SCOC: variants seen among roughly 807,000 people sequenced by gnomAD.
SCOC encodes the protein short coiled coil protein.
A neutral mutation model predicts 9.9 loss-of-function variants in SCOC; 7 were observed. That is an observed-to-expected ratio of 0.71 (90% confidence interval 0.40 to 1.33). The LOEUF (loss-of-function observed/expected upper bound fraction) is 1.33. Ranked by LOEUF, SCOC falls within the 40% of genes most tolerant of loss-of-function variation. The pLI is 0.01. For missense variants in SCOC, 66 were observed against 89.7 expected, an observed-to-expected ratio of 0.74 and a Z score of 1.07; for synonymous variants, 19 against 28.2, an observed-to-expected ratio of 0.67 and a Z score of 1.03.
chr4:140,355,110 T>A (rs1243539313), intron 2 of SCOC, among the ~76,000 whole-genome samples: 1 of 151,388 alleles, frequency 6.6e-6, no homozygotes, highest in Non-Finnish European at 1.5e-5. Flanking sequence ...CCACCCTTAA[T>A]CTGGTGGTCA....
At chr4:140,278,205 G>C (rs1312970615) in intron 1 of SCOC, among the ~76,000 whole-genome samples, 1 of 152,096 alleles carries the variant, frequency 6.6e-6, no homozygotes, top group East Asian at 1.9e-4. Context: ...CTCAAGATTT[G>C]GTGTCTGGTG....
At chr4:140,307,328 G>T (rs1475890726) in intron 1 of SCOC, among the ~76,000 whole-genome samples, 3 of 152,204 alleles carry the variant, frequency 2.0e-5, no homozygotes, top group Non-Finnish European at 2.9e-5. Context: ...AATCAGTGTT[G>T]TTCTGCAGGT....
chr4:140,332,621 C>T (rs1165149263), intron 1 of SCOC, among the ~76,000 whole-genome samples: 1 of 152,092 alleles, frequency 6.6e-6, no homozygotes, highest in Admixed American at 6.6e-5. Context: ...TCTTGAACTG[C>T]CTGCCTCAGC....
chr4:140,261,879 G>A (rs1426251869), intron 1 of SCOC, among the ~76,000 whole-genome samples: 2 of 152,146 alleles, frequency 1.3e-5, no homozygotes, highest in African/African-American at 4.8e-5. Context: ...GGGCTTGGAA[G>A]GAGGGAAAGG....
Position 140,343,721 on chromosome 4 carries a change from T to C in SCOC, c.70+13T>C, listed in dbSNP as rs762979728. 3.1e-6 allele frequency: 5 copies of C among 1,590,680 alleles called. No individual in the cohort carries two copies. In the South Asian group the frequency reaches 3.3e-5, roughly 11 times the overall value. ...GCAGATGACATAGGTAAGGAAAAAA[T>C]GGATAACTTCTCAAACATACATTCA... On this transcript the variant is annotated intron_variant, in intron 2 of 4. Transcript: ENST00000338517.
chr4:140,258,473 C>T (rs1730559438), intron 1 of SCOC, among the ~76,000 whole-genome samples: 1 of 152,208 alleles, frequency 6.6e-6, no homozygotes, highest in African/African-American at 2.4e-5. Context: ...CTACCCTCCT[C>T]CAGATAAGAC....
At chr4:140,373,427 G>C (rs1728149130), upstream of SCOC, 1 of 1,515,434 alleles carries the variant, frequency 6.6e-7, no homozygotes, top group Non-Finnish European at 8.9e-7. Flanking sequence ...GCTGTTCCAG[G>C]TCCCGCCCAC....
At chr4:140,289,688 G>A (rs1731411614) in intron 1 of SCOC, among the ~76,000 whole-genome samples, 1 of 152,198 alleles carries the variant, frequency 6.6e-6, no homozygotes, top group African/African-American at 2.4e-5. Context: ...AGTGCCAACA[G>A]GTTGTGCATT....
chr4:140,372,190 T>C (rs932160513), upstream of SCOC, among the ~76,000 whole-genome samples: 5 of 152,348 alleles, frequency 3.3e-5, no homozygotes, highest in South Asian at 4.1e-4. Flanking sequence ...GTTCTGGAGA[T>C]TGGTTGGAGA....
chr4:140,347,317 T>C (rs1316625478), intron 2 of SCOC, among the ~76,000 whole-genome samples: 1 of 152,128 alleles, frequency 6.6e-6, no homozygotes, highest in Admixed American at 6.6e-5. Context: ...TAAACTAAGA[T>C]AGTTTAGGAA....
intron 1 of SCOC, among the ~76,000 whole-genome samples, chr4:140,267,236 C>T (rs1180545279): frequency 6.6e-6 from 1 of 152,082 alleles, no homozygotes; most frequent in Non-Finnish European, 1.5e-5. Context: ...GCCAAAGGAG[C>T]GGGTTGACTG....
chr4:140,308,565 T>C (rs548240149), intron 1 of SCOC, among the ~76,000 whole-genome samples: 2 of 152,312 alleles, frequency 1.3e-5, no homozygotes, highest in East Asian at 1.9e-4. Flanking sequence ...GCTAAGATTT[T>C]CTGGCTCTGG....
intron 1 of SCOC, among the ~76,000 whole-genome samples, chr4:140,331,711 G>A (rs1732819402): frequency 6.6e-6 from 1 of 152,086 alleles, no homozygotes; most frequent in East Asian, 1.9e-4. Context: ...TCTGTCCTGT[G>A]GCTTTACACA....
At position 140,287,243 on chromosome 4, in the gene SCOC, GT is replaced by G. The variant is rs571144970; in HGVS notation, c.-19+29834del. On this transcript the variant is annotated intron_variant, in intron 1 of 4. Transcript: ENST00000394205. The stretch of plus-strand genomic sequence containing the variant: ...CAGACCATGCACATACATACACCAT[GT>G]ACACACATGCTAAATGCGCAAATCA... 5.4e-3 allele frequency among the ~76,000 whole-genome samples: 751 copies of G among 139,406 alleles called. 5 individuals are homozygous for G. Among genetic ancestry groups the G allele is most frequent in the African/African-American group, 0.019 (695 of 36,484 alleles). The allele number at this position is 139,406 out of a possible 152,430, so 91.5% of individuals were successfully genotyped here.
chr4:140,321,087 T>C (rs1732487629), intron 1 of SCOC, among the ~76,000 whole-genome samples: 1 of 152,074 alleles, frequency 6.6e-6, no homozygotes, highest in Admixed American at 6.6e-5. Flanking sequence ...AGAAACAATA[T>C]ATCACTAGGG....
At chr4:140,373,827 C>A in intron 1 of SCOC, 110 bp downstream of exon 1, 2 of 1,201,878 alleles carry the variant, frequency 1.7e-6, no homozygotes, top group South Asian at 1.3e-5. Context: ...GCCCTGCGCA[C>A]CGGGGGCCCG....
chr4:140,290,176 G>C (rs746280747), intron 1 of SCOC, among the ~76,000 whole-genome samples: 1 of 152,236 alleles, frequency 6.6e-6, no homozygotes, highest in African/African-American at 2.4e-5. Flanking sequence ...TACTCTGGCT[G>C]CTGCAATTGT....
intron 1 of SCOC, among the ~76,000 whole-genome samples, chr4:140,302,810 C>G (rs551153933): frequency 1.5e-4 from 23 of 152,162 alleles, no homozygotes; most frequent in Non-Finnish European, 3.4e-4. Context: ...CAAAAGTAGA[C>G]TGTAGACGTA....
intron 1 of SCOC, 100 bp from the exon 2 acceptor site, chr4:140,379,021 G>A: frequency 1.3e-6 from 1 of 743,764 alleles, no homozygotes; most frequent in Non-Finnish European, 2.4e-6. Flanking sequence ...CATATGAAAA[G>A]TCCTACTATG....
Sources: gnomAD v4.1 joint callset for allele counts (sites outside exome capture counted in the v4.1 genomes callset) on GRCh38, gnomAD v4.1.1 for gene constraint, MANE v1.5 for transcripts, NCBI Gene and HGNC (gene_info 2026-07-23, HGNC 2026-07-21) for gene names.